The following GSPT1 variants were observed in gnomAD, a reference collection of about 807,000 sequenced individuals.
GSPT1 encodes eukaryotic peptide chain release factor GTP-binding subunit ERF3A.
GSPT1 carries 20 observed loss-of-function variants against 72.5 expected under a neutral mutation model. The ratio of observed to expected loss-of-function variants is 0.28; its 90% CI spans 0.19 to 0.40. The LOEUF (loss-of-function observed/expected upper bound fraction) is 0.40, where lower values mean the gene tolerates loss of function less well. GSPT1 is among the 10% of genes least tolerant of loss of function. The pLI, the probability that GSPT1 is intolerant of heterozygous loss-of-function variation, is 1.00. For synonymous variants in GSPT1, 334 were observed against 293.5 expected (o/e 1.14, Z -1.41); for missense variants, 580 against 811.9 (o/e 0.71, Z 3.47).
chr16:11,885,849 C>G (rs1384329737), intron 9 of GSPT1, among the ~76,000 whole-genome samples: 3 of 152,038 alleles, frequency 2.0e-5, no homozygotes, highest in Non-Finnish European at 4.4e-5. Flanking sequence ...CGAGATCATG[C>G]CACTGCACTC....
At chr16:11,911,854 A>ATTTTGTTTTTTTTT (rs2054562220) in intron 1 of GSPT1, among the ~76,000 whole-genome samples, 1 of 45,384 alleles carries the variant, frequency 2.2e-5, no homozygotes, top group East Asian at 8.0e-4. Flanking sequence ...ACCCAGCTGT[A>ATTTTGTTTTTTTTT]TTTTTTTTTT....
At chr16:11,900,382 C>G (rs2054391156) in intron 1 of GSPT1, among the ~76,000 whole-genome samples, 1 of 150,990 alleles carries the variant, frequency 6.6e-6, no homozygotes, top group Admixed American at 6.6e-5. Flanking sequence ...TATTGAGTAT[C>G]TATTATGGGC....
intron 11 of GSPT1, chr16:11,882,360 A>G (rs1026879043): frequency 2.0e-5 from 3 of 152,234 alleles, no homozygotes; most frequent in African/African-American, 7.2e-5. Context: ...TTTAAAATGT[A>G]AACATTTTAG....
chr16:11,914,841 G>A, intron 1 of GSPT1: 1 of 395,726 alleles, frequency 2.5e-6, no homozygotes, highest in South Asian at 2.0e-5. Context: ...ATTCCTTCAG[G>A]ACGGTTGGGG....
At chr16:11,911,065 T>G (rs777901671) in intron 1 of GSPT1, among the ~76,000 whole-genome samples, 3 of 152,246 alleles carry the variant, frequency 2.0e-5, no homozygotes, top group Non-Finnish European at 4.4e-5. Flanking sequence ...CTACCCCATC[T>G]GCTGTCCCAC....
chr16:11,913,377 A>G (rs1183045627), intron 1 of GSPT1, among the ~76,000 whole-genome samples: 5 of 152,234 alleles, frequency 3.3e-5, no homozygotes, highest in African/African-American at 9.6e-5. Context: ...TAAAAACAAG[A>G]AAGTTGACCA....
At chr16:11,911,854 A>ATTTTTTTTTTTTTTTTTTTTTT (rs1158026034) in intron 1 of GSPT1, among the ~76,000 whole-genome samples, 1 of 45,410 alleles carries the variant, frequency 2.2e-5, no homozygotes, top group Non-Finnish European at 3.8e-5. Context: ...ACCCAGCTGT[A>ATTTTTTTTTTTTTTTTTTTTTT]TTTTTTTTTT....
Position 11,887,582 on chromosome 16 carries a change from A to C in GSPT1, c.945T>G (p.Asp315Glu). 3 of 1,613,896 alleles carry C rather than the reference A, an allele frequency of 1.9e-6. No individual in the cohort carries two copies. Among genetic ancestry groups the C allele is most frequent in the Non-Finnish European group, 2.5e-6 (3 of 1,179,852 alleles). ...ATGTCTTTCTTACCAGCACAGCCAA[A>C]TCAGCTTGAGAGGCACCACCAATCA... is the stretch of plus-strand genomic sequence containing the variant. ...PNMIGGASQA[D>E]LAVLVISARK... The change falls in exon 7 of 15, where the codon GAT becomes GAG. Residue 315 changes from aspartate to glutamate, a missense_variant. Asp to Glu is a conservative substitution (Grantham distance 45, BLOSUM62 2). Around this residue, in one of 6 missense-constraint regions of GSPT1, gnomAD observed 3 missense variants for 47.3 expected, o/e 0.06. Transcript: ENST00000434724.
chr16:11,900,452 G>A (rs1436567715), intron 1 of GSPT1, among the ~76,000 whole-genome samples: 2 of 152,036 alleles, frequency 1.3e-5, no homozygotes, highest in East Asian at 3.9e-4. Context: ...GATGGAGGGG[G>A]TAGCAATTTG....
chr16:11,897,803 CATA>C, intron 3 of GSPT1, 34 bp downstream of exon 3: 1 of 1,055,698 alleles, frequency 9.5e-7, no homozygotes, highest in East Asian at 2.5e-5. Flanking sequence ...GAAAGAGTTT[CATA>C]TTACTGTATT....
chr16:11,880,691 T>G (rs60924385), intron 11 of GSPT1, among the ~76,000 whole-genome samples: 1 of 152,322 alleles, frequency 6.6e-6, no homozygotes, highest in Admixed American at 6.5e-5. Flanking sequence ...ATGTACTTTT[T>G]GGCTGTTTGT....
In GSPT1 at chr16:11,870,593, A is replaced by ATC. The variant is rs2053967752; in HGVS notation, c.*2524_*2525dup. The ATC allele has an allele frequency of 6.6e-6, 1 of 152,374 alleles. No individual in the cohort carries two copies. Among genetic ancestry groups the ATC allele is most frequent in the East Asian group, 1.9e-4 (1 of 5,190 alleles). 9.4% of individuals were successfully genotyped at this position (152,374 alleles called of 1,614,324 possible). On this transcript the variant is annotated 3_prime_UTR_variant, in exon 15 of 15. Transcript: ENST00000434724. ...TTGTATTGCTCTATAACGGTCCAAC[A>ATC]TCTCCACATAATGCCAAGTTCACCT... is the stretch of plus-strand genomic sequence containing the variant.
chr16:11,910,481 G>A (rs750121321), intron 1 of GSPT1, among the ~76,000 whole-genome samples: 2 of 152,160 alleles, frequency 1.3e-5, no homozygotes, highest in Non-Finnish European at 2.9e-5. Context: ...GTTTGTTAAT[G>A]AGTCGCTAGT....
intron 1 of GSPT1, among the ~76,000 whole-genome samples, chr16:11,906,602 C>T (rs1479514451): frequency 2.0e-5 from 3 of 152,100 alleles, no homozygotes; most frequent in African/African-American, 7.2e-5. Context: ...CCAATGAACT[C>T]CAGCCTGGGC....
intron 1 of GSPT1, among the ~76,000 whole-genome samples, chr16:11,907,315 G>C (rs117297920): frequency 6.6e-6 from 1 of 152,102 alleles, no homozygotes; most frequent in Non-Finnish European, 1.5e-5. Flanking sequence ...AAATGACCTC[G>C]ATTCCAAGCC....
At chr16:11,915,225 G>A in intron 1 of GSPT1, 144 bp downstream of exon 1, 1 of 1,142,990 alleles carries the variant, frequency 8.7e-7, no homozygotes, top group Non-Finnish European at 1.1e-6. Flanking sequence ...CCCGGGCTCG[G>A]GGCGCCCCAC....
At chr16:11,914,259 T>C (rs33622) in intron 1 of GSPT1, among the ~76,000 whole-genome samples, 3 of 152,262 alleles carry the variant, frequency 2.0e-5, no homozygotes, top group South Asian at 4.1e-4. Context: ...GTTCACTCAT[T>C]TGACATTCCC....
Position 11,870,057 on chromosome 16 carries a change from C to T in GSPT1, c.*3062G>A, listed in dbSNP as rs2053961486. The T allele has an allele frequency of 6.6e-6, 1 of 152,130 alleles. No individual in the cohort carries two copies. Among genetic ancestry groups the T allele is most frequent in the Admixed American group, 6.6e-5 (1 of 15,258 alleles). 9.4% of individuals were successfully genotyped at this position (152,130 alleles called of 1,614,324 possible). A position where few individuals can be genotyped will look rare whatever the true frequency, so the allele number is the denominator to read the frequency against. ...ACCTCGTTACAGTGAACAACCTGCA[C>T]TGTTAGAGTTTAGGAACTTTTGACA... is the stretch of plus-strand genomic sequence containing the variant. On this transcript the variant is annotated 3_prime_UTR_variant, in exon 15 of 15. Coordinates refer to ENST00000434724, the MANE Select transcript of GSPT1 (RefSeq NM_002094.4).
intron 1 of GSPT1, chr16:11,908,582 A>G (rs1228392444): frequency 9.3e-6 from 1 of 107,222 alleles, no homozygotes; most frequent in Non-Finnish European, 1.8e-5. Context: ...AAAACGGTGA[A>G]ACCCCGTCTC....
Sources: allele counts gnomAD v4.1 joint callset (sites outside exome capture counted in the v4.1 genomes callset), GRCh38; gene constraint gnomAD v4.1.1; regional missense constraint gnomAD v4.1.1; transcripts MANE v1.5; gene names NCBI Gene and HGNC (gene_info 2026-07-23, HGNC 2026-07-21).